The following SRGAP3 variants were observed in gnomAD, a reference collection of about 807,000 sequenced individuals.
The protein encoded by SRGAP3 is SLIT-ROBO Rho GTPase activating protein 3, also known as SLIT-ROBO Rho GTPase-activating protein 3.
SRGAP3 carries 39 observed loss-of-function variants against 121.1 expected under a neutral mutation model. That is an observed-to-expected ratio of 0.32 (90% CI 0.25 to 0.42). SRGAP3 has a LOEUF of 0.42. Among genes scored for constraint, SRGAP3 ranks in the 10% least tolerant of loss-of-function variants. SRGAP3 has a pLI of 1.00. For missense variants in SRGAP3, 1,213 were observed against 1,470.6 expected (o/e 0.82, Z 2.86); for synonymous variants, 601 against 570.0 (o/e 1.05, Z -0.77).
intron 12 of SRGAP3, among the ~76,000 whole-genome samples, chr3:9,030,057 T>C (rs1944403687): frequency 6.6e-6 from 1 of 151,652 alleles, no homozygotes; most frequent in Non-Finnish European, 1.5e-5. Context: ...GAGGCTGAGG[T>C]GGGAGGATCA....
intron 21 of SRGAP3, among the ~76,000 whole-genome samples, chr3:8,989,123 T>G (rs1195681414): frequency 6.6e-6 from 1 of 152,264 alleles, no homozygotes; most frequent in African/African-American, 2.4e-5. Context: ...GGGACTAATC[T>G]GCTGTGAGAG....
chr3:9,014,894 A>G (rs1406191777), intron 15 of SRGAP3: 1 of 152,230 alleles, frequency 6.6e-6, no homozygotes, highest in Non-Finnish European at 1.5e-5. Context: ...CTAATATTCT[A>G]AAGTTGAAAG....
intron 1 of SRGAP3, among the ~76,000 whole-genome samples, chr3:9,199,171 T>A (rs1574854992): frequency 2.0e-5 from 3 of 152,246 alleles, no homozygotes; most frequent in Admixed American, 1.3e-4. Flanking sequence ...GGCTCCGTTA[T>A]CAGAGTTACT....
intron 14 of SRGAP3, 111 bp from the exon 15 acceptor site, chr3:9,015,842 G>T: frequency 7.4e-7 from 1 of 1,358,954 alleles, no homozygotes; most frequent in Non-Finnish European, 1.0e-6. Flanking sequence ...AAAGGCAGAT[G>T]GGAAAAGTCT....
At chr3:9,150,987 C>T (rs565264635) in intron 1 of SRGAP3, among the ~76,000 whole-genome samples, 2 of 152,308 alleles carry the variant, frequency 1.3e-5, no homozygotes, top group East Asian at 3.9e-4. Context: ...AGGTGGCAAT[C>T]TTTTGGAAGC....
chr3:9,343,171 T>G (rs1955823420), intron 1 of SRGAP3, among the ~76,000 whole-genome samples: 1 of 152,270 alleles, frequency 6.6e-6, no homozygotes, highest in African/African-American at 2.4e-5. Context: ...TCCATTAACG[T>G]AGCTAAACAA....
intron 3 of SRGAP3, among the ~76,000 whole-genome samples, chr3:9,271,629 C>T (rs1954479927): frequency 6.6e-6 from 1 of 151,924 alleles, no homozygotes; most frequent in Admixed American, 6.6e-5. Context: ...AACCTGTGCA[C>T]AGATCTCCAC....
intron 3 of SRGAP3, among the ~76,000 whole-genome samples, chr3:9,322,507 G>A (rs532204215): frequency 3.6e-4 from 54 of 151,920 alleles, no homozygotes; most frequent in Admixed American, 9.8e-4. Flanking sequence ...ACAGCAGGAG[G>A]TGAGTGGTGG....
chr3:9,339,579 G>A (rs1955748187), intron 1 of SRGAP3, among the ~76,000 whole-genome samples: 1 of 152,190 alleles, frequency 6.6e-6, no homozygotes, highest in South Asian at 2.1e-4. Context: ...TTCATTAAAG[G>A]GTAGAGACCC....
chr3:9,256,053 G>C (rs1186489682), intron 3 of SRGAP3, among the ~76,000 whole-genome samples: 1 of 152,064 alleles, frequency 6.6e-6, no homozygotes, highest in Non-Finnish European at 1.5e-5. Context: ...TCTACCGAGA[G>C]ACCCTGCAAT....
intron 1 of SRGAP3, among the ~76,000 whole-genome samples, chr3:9,225,531 G>A (rs568587770): frequency 1.1e-4 from 17 of 152,272 alleles, no homozygotes; most frequent in Non-Finnish European, 1.8e-4. Context: ...AGAATTGGAG[G>A]CTGACTGTGT....
intron 4 of SRGAP3, among the ~76,000 whole-genome samples, chr3:9,070,561 G>A (rs1543142): frequency 0.32 from 49,233 of 152,088 alleles, 9,111 homozygotes; most frequent in Middle Eastern, 0.47. Flanking sequence ...CAGTGGATCA[G>A]TGAATATGGC....
chr3:9,064,767 T>C (rs958114944), intron 4 of SRGAP3, among the ~76,000 whole-genome samples, 186 bp from the exon 5 acceptor site: 1 of 151,880 alleles, frequency 6.6e-6, no homozygotes, highest in African/African-American at 2.4e-5. Context: ...ATGATGATGA[T>C]GGTCATTACC....
intron 2 of SRGAP3, among the ~76,000 whole-genome samples, chr3:9,115,052 C>G (rs1948756236): frequency 6.6e-6 from 1 of 152,202 alleles, no homozygotes; most frequent in African/African-American, 2.4e-5. Flanking sequence ...GGCAGACTAG[C>G]ATTCCAATCT....
chr3:9,098,630 A>C (rs1233830961), intron 3 of SRGAP3, among the ~76,000 whole-genome samples: 1 of 152,198 alleles, frequency 6.6e-6, no homozygotes. Flanking sequence ...ATCTGGATTC[A>C]AACCCTAACC....
intron 10 of SRGAP3, among the ~76,000 whole-genome samples, chr3:9,045,549 C>T (rs955554019): frequency 3.3e-5 from 5 of 151,532 alleles, no homozygotes; most frequent in African/African-American, 7.3e-5. Context: ...TGATGATGAC[C>T]GTCATCATCA....
intron 1 of SRGAP3, among the ~76,000 whole-genome samples, chr3:9,333,347 C>A (rs1955640704): frequency 1.3e-5 from 2 of 152,216 alleles, no homozygotes; most frequent in South Asian, 4.1e-4. Flanking sequence ...TCCTTCACAG[C>A]AGGTCACTTT....
At chr3:9,063,291 C>T (rs1309085587) in intron 5 of SRGAP3, among the ~76,000 whole-genome samples, 1 of 151,628 alleles carries the variant, frequency 6.6e-6, no homozygotes, top group African/African-American at 2.4e-5. Context: ...ACCACACCTG[C>T]CTAATTTTTC....
chr3:9,261,449 T>C (rs1364291744), intron 3 of SRGAP3, among the ~76,000 whole-genome samples: 2 of 151,942 alleles, frequency 1.3e-5, no homozygotes, highest in Non-Finnish European at 2.9e-5. Context: ...ACTAAGAACC[T>C]TGATAAAAGG....
Sources: gnomAD v4.1 joint callset for allele counts (sites outside exome capture counted in the v4.1 genomes callset) on GRCh38, gnomAD v4.1.1 for gene constraint, MANE v1.5 for transcripts, NCBI Gene and HGNC (gene_info 2026-07-23, HGNC 2026-07-21) for gene names.